RAB20: variants seen among roughly 807,000 people sequenced by gnomAD.
RAB20 encodes the protein ras-related protein Rab-20.
A neutral mutation model predicts 3.7 loss-of-function variants in RAB20; 2 were observed. That is an observed-to-expected ratio of 0.54 (90% CI 0.22 to 1.69). The LOEUF is 1.69. Among genes scored for constraint, RAB20 ranks in the 40% most tolerant of loss-of-function variants. The probability of loss-of-function intolerance (pLI) is 0.19; values close to 1 mark genes in which losing one functional copy is unlikely to be tolerated. For missense variants in RAB20, 276 were observed against 311.9 expected, an observed-to-expected ratio of 0.88 and a Z score of 0.87; for synonymous variants, 126 against 130.8, an observed-to-expected ratio of 0.96 and a Z score of 0.25.
intron 1 of RAB20, among the ~76,000 whole-genome samples, chr13:110,561,069 G>A (rs1885119974): frequency 1.3e-5 from 2 of 152,204 alleles, no homozygotes; most frequent in African/African-American, 2.4e-5. Flanking sequence ...TTCCCAGGGC[G>A]GCAGAGCAGG....
intron 1 of RAB20, among the ~76,000 whole-genome samples, chr13:110,532,755 T>C (rs1380800324): frequency 6.6e-6 from 1 of 152,220 alleles, no homozygotes; most frequent in Non-Finnish European, 1.5e-5. Context: ...CATGGCTCAA[T>C]GCAGCCTCCA....
chr13:110,525,293 T>C (rs1884409306), intron 1 of RAB20, among the ~76,000 whole-genome samples: 1 of 152,182 alleles, frequency 6.6e-6, no homozygotes, highest in African/African-American at 2.4e-5. Context: ...ACCCCCGAAC[T>C]GATGGCTAAA....
At chr13:110,529,344 G>A (rs1884489727) in intron 1 of RAB20, among the ~76,000 whole-genome samples, 2 of 152,176 alleles carry the variant, frequency 1.3e-5, no homozygotes, top group South Asian at 2.1e-4. Context: ...TTGATTTCCT[G>A]TCTACAAGTA....
At chr13:110,551,857 G>A (rs893683357) in intron 1 of RAB20, among the ~76,000 whole-genome samples, 2 of 150,110 alleles carry the variant, frequency 1.3e-5, no homozygotes, top group Admixed American at 6.7e-5. Context: ...AAGCAGGGAC[G>A]ATATCTTGAG....
At chr13:110,532,437 T>G (rs545237446) in intron 1 of RAB20, among the ~76,000 whole-genome samples, 46 of 152,216 alleles carry the variant, frequency 3.0e-4, no homozygotes, top group South Asian at 8.3e-4. Context: ...AGTGCAGTGA[T>G]GCAATCTCAG....
rs565994443 is a variant in RAB20 at position 110,548,966 on chromosome 13, G to A, written c.172+12382C>T. On this transcript the variant is annotated intron_variant, in intron 1 of 1. Coordinates refer to ENST00000267328, the MANE Select transcript of RAB20 (RefSeq NM_017817.3). ...AGGGCTCCAGCCAGGTAAGGGCTGG[G>A]TCCCTACAGAACCCAGAGGCCTGAA... 7.9e-5 allele frequency among the ~76,000 whole-genome samples: 12 copies of A among 152,320 alleles called. No individual in the cohort carries two copies. The South Asian group carries it at 2.3e-3, about 29-fold the overall frequency.
chr13:110,527,932 C>CAA (rs1168486422), intron 1 of RAB20, among the ~76,000 whole-genome samples: 1 of 149,714 alleles, frequency 6.7e-6, no homozygotes, highest in Non-Finnish European at 1.5e-5. Context: ...CACACACACA[C>CAA]ACACACACAC....
intron 1 of RAB20, among the ~76,000 whole-genome samples, chr13:110,531,125 CAGG>C (rs111731444): frequency 2.6e-4 from 39 of 152,136 alleles, no homozygotes; most frequent in African/African-American, 9.2e-4. Flanking sequence ...CCATGTTTTA[CAGG>C]AGGAGGAACT....
intron 1 of RAB20, among the ~76,000 whole-genome samples, chr13:110,538,768 C>A (rs867369988): frequency 6.6e-6 from 1 of 152,104 alleles, no homozygotes; most frequent in African/African-American, 2.4e-5. Flanking sequence ...GCAGCAGGGG[C>A]GAGACCGTGA....
intron 1 of RAB20, among the ~76,000 whole-genome samples, chr13:110,548,282 G>A (rs183459643): frequency 1.3e-5 from 2 of 152,210 alleles, no homozygotes; most frequent in East Asian, 1.9e-4. Context: ...TCATGAGTTC[G>A]AGACCAGCCT....
At chr13:110,530,807 C>T (rs892937647) in intron 1 of RAB20, among the ~76,000 whole-genome samples, 8 of 152,098 alleles carry the variant, frequency 5.3e-5, no homozygotes, top group Non-Finnish European at 8.8e-5. Context: ...CACCTCTACA[C>T]AGACACAGGG....
At chr13:110,526,984 T>C (rs1884441175) in intron 1 of RAB20, among the ~76,000 whole-genome samples, 1 of 152,112 alleles carries the variant, frequency 6.6e-6, no homozygotes, top group African/African-American at 2.4e-5. Flanking sequence ...CCGAGGGGTC[T>C]TGACACAAAT....
At chr13:110,557,804 G>A (rs1235539889) in intron 1 of RAB20, among the ~76,000 whole-genome samples, 2 of 151,080 alleles carry the variant, frequency 1.3e-5, no homozygotes, top group Non-Finnish European at 3.0e-5. Context: ...TGCTCCCCCC[G>A]CCTCCCGGCC....
chr13:110,542,808 G>C (rs1884787420), intron 1 of RAB20, among the ~76,000 whole-genome samples: 1 of 152,200 alleles, frequency 6.6e-6, no homozygotes, highest in Admixed American at 6.5e-5. Flanking sequence ...CTTTCTTCTA[G>C]ACAGATACCC....
chr13:110,528,348 G>A (rs886306528), intron 1 of RAB20, among the ~76,000 whole-genome samples: 5 of 149,528 alleles, frequency 3.3e-5, no homozygotes, highest in Non-Finnish European at 7.4e-5. Context: ...CCTGGGAGGC[G>A]GAGGTTGCGG....
Position 110,523,503 on chromosome 13 carries a change from A to C in RAB20, c.*162T>G, listed in dbSNP as rs1195123914. The C allele has an allele frequency of 1.6e-6, 2 of 1,214,386 alleles. No homozygotes were observed. The highest frequency in any genetic ancestry group is 2.2e-6 in the Non-Finnish European group (2 of 894,870). The allele number at this position is 1,214,386 out of a possible 1,614,324, so 75.2% of individuals were successfully genotyped here. ...GAGACTGAGGAGACCACACACGTTG[A>C]CCTCCTCTTCATAGCCAGCCATCAT... On this transcript the variant is annotated 3_prime_UTR_variant, in exon 2 of 2. Transcript: ENST00000267328.
At chr13:110,540,238 T>C (rs1884734318) in intron 1 of RAB20, among the ~76,000 whole-genome samples, 1 of 152,240 alleles carries the variant, frequency 6.6e-6, no homozygotes, top group African/African-American at 2.4e-5. Context: ...TGCCAGCATA[T>C]GTAATCCAAT....
chr13:110,538,251 A>G (rs1884684207), intron 1 of RAB20, among the ~76,000 whole-genome samples: 1 of 150,716 alleles, frequency 6.6e-6, no homozygotes, highest in African/African-American at 2.4e-5. Context: ...AAAAAAAAAA[A>G]AAAAAGAAAG....
chr13:110,535,749 A>G (rs1249571735), intron 1 of RAB20, among the ~76,000 whole-genome samples: 4 of 152,176 alleles, frequency 2.6e-5, no homozygotes, highest in African/African-American at 4.8e-5. Flanking sequence ...CTGAGCGCCC[A>G]CTGGACCACA....
Sources: allele counts gnomAD v4.1 joint callset (sites outside exome capture counted in the v4.1 genomes callset), GRCh38; gene constraint gnomAD v4.1.1; transcripts MANE v1.5; gene names NCBI Gene and HGNC (gene_info 2026-07-23, HGNC 2026-07-21).